HMGA2: variants seen among roughly 807,000 people sequenced by gnomAD.
HMGA2 encodes the protein high mobility group AT-hook 2, also known as high mobility group protein HMGI-C.
Under a neutral mutation model 19.1 loss-of-function variants are expected in HMGA2, and 8 were observed. That is an observed-to-expected ratio of 0.42 (90% CI 0.25 to 0.76). The LOEUF is 0.76. Ranked by LOEUF, HMGA2 falls within the 30% of genes least tolerant of loss-of-function variation. The pLI is 0.28. For synonymous variants in HMGA2, 60 were observed against 48.8 expected (o/e 1.23, Z -0.96); for missense variants, 109 against 136.3 (o/e 0.80, Z 1.00).
At chr12:65,888,304 AAGTT>A (rs1873744564) in intron 3 of HMGA2, among the ~76,000 whole-genome samples, 1 of 151,524 alleles carries the variant, frequency 6.6e-6, no homozygotes, top group Non-Finnish European at 1.5e-5. Flanking sequence ...AAAAATATAA[AAGTT>A]AGCCGGGCGC....
chr12:65,915,446 C>T lies in HMGA2; in HGVS notation c.250-35937C>T, dbSNP rs751583743. 6.4e-6 allele frequency: 8 copies of T among 1,252,438 alleles called. No homozygotes were observed. The South Asian group carries it at 6.8e-5, about 11-fold the overall frequency. The allele number at this position is 1,252,438 out of a possible 1,614,324, so 77.6% of individuals were successfully genotyped here. ...GGGTGGGCTGAACTCCAGTTACTCT[C>T]GTACAGGGATCCACCTTTTTGCAGA... On this transcript the variant is annotated intron_variant, in intron 3 of 4. Transcript: ENST00000403681.
intron 3 of HMGA2, among the ~76,000 whole-genome samples, chr12:65,943,580 C>T (rs1157702362): frequency 6.6e-6 from 1 of 152,162 alleles, no homozygotes; most frequent in Non-Finnish European, 1.5e-5. Flanking sequence ...TTGTCTTTTG[C>T]ATTAAAGTCT....
In HMGA2 at chr12:65,963,308, G is replaced by C. The variant is rs377439189; in HGVS notation, c.*16G>C. The C allele has an allele frequency of 1.2e-6, 2 of 1,612,100 alleles. No individual in the cohort carries two copies. Among genetic ancestry groups the C allele is most frequent in the East Asian group, 4.5e-5 (2 of 44,808 alleles). On this transcript the variant is annotated 3_prime_UTR_variant, in exon 5 of 5. Transcript: ENST00000403681. The stretch of plus-strand genomic sequence containing the variant: ...AGAGGACTAGGGGGCGCCAACGTTC[G>C]ATTTCTACCTCAGCAGCAGTTGGAT...
intron 4 of HMGA2, chr12:65,952,460 AG>A: frequency 6.5e-7 from 1 of 1,531,912 alleles, no homozygotes; most frequent in Non-Finnish European, 8.7e-7. Flanking sequence ...AACACATGAA[AG>A]GATCCAAGGA....
At chr12:65,874,435 A>T (rs1182259885) in intron 3 of HMGA2, among the ~76,000 whole-genome samples, 4 of 152,162 alleles carry the variant, frequency 2.6e-5, no homozygotes, top group Non-Finnish European at 5.9e-5. Flanking sequence ...TCTTCTTTTC[A>T]GTGGTAACGA....
At chr12:65,846,153 A>G (rs1186349484) in intron 3 of HMGA2, among the ~76,000 whole-genome samples, 1 of 152,194 alleles carries the variant, frequency 6.6e-6, no homozygotes, top group Non-Finnish European at 1.5e-5. Context: ...TGACACTGAA[A>G]TTTGTTTTTC....
chr12:65,954,310 A>G (rs950835579), intron 4 of HMGA2: 1 of 152,222 alleles, frequency 6.6e-6, no homozygotes, highest in African/African-American at 2.4e-5. Flanking sequence ...TTCCTCTTTG[A>G]CGTCAAGTGT....
chr12:65,843,016 G>A, intron 3 of HMGA2: 1 of 341,546 alleles, frequency 2.9e-6, no homozygotes, highest in Non-Finnish European at 4.6e-6. Context: ...ACATCAATGG[G>A]AACAAGTGAT....
chr12:65,949,220 C>A (rs1016193835), intron 3 of HMGA2, among the ~76,000 whole-genome samples: 1 of 151,874 alleles, frequency 6.6e-6, no homozygotes, highest in Non-Finnish European at 1.5e-5. Flanking sequence ...AATGGAAGAA[C>A]GTCTTTTCCT....
intron 3 of HMGA2, among the ~76,000 whole-genome samples, chr12:65,891,107 C>T (rs1199485010): frequency 2.6e-5 from 4 of 152,164 alleles, no homozygotes; most frequent in Non-Finnish European, 5.9e-5. Context: ...CCATTGGAAC[C>T]AGTTGACTTT....
intron 2 of HMGA2, among the ~76,000 whole-genome samples, chr12:65,832,610 G>T (rs960276321): frequency 6.6e-6 from 1 of 152,052 alleles, no homozygotes; most frequent in South Asian, 2.1e-4. Flanking sequence ...AGAGCAGAAG[G>T]CACAAAGTGG....
At chr12:65,859,933 AAT>A in intron 3 of HMGA2, 3 of 306,270 alleles carry the variant, frequency 9.8e-6, no homozygotes, top group Non-Finnish European at 2.0e-5. Context: ...AAAAAAAAAA[AAT>A]TAAAAATTAG....
intron 3 of HMGA2, among the ~76,000 whole-genome samples, chr12:65,933,930 C>A (rs2121274938): frequency 6.6e-6 from 1 of 152,256 alleles, no homozygotes; most frequent in African/African-American, 2.4e-5. Context: ...TATAGAACTG[C>A]CCTGGGACAG....
chr12:65,883,175 G>A (rs1042776740), intron 3 of HMGA2, among the ~76,000 whole-genome samples: 1 of 152,214 alleles, frequency 6.6e-6, no homozygotes, highest in African/African-American at 2.4e-5. Flanking sequence ...TTACTCTAGG[G>A]GTGAAAGAAG....
chr12:65,927,853 A>G (rs11175968), intron 3 of HMGA2, among the ~76,000 whole-genome samples: 42,082 of 130,874 alleles, frequency 0.32, 6,737 homozygotes, highest in South Asian at 0.45. Context: ...GTGTGTGTGT[A>G]TATATATTTT....
At chr12:65,900,603 T>G (rs1412493904) in intron 3 of HMGA2, among the ~76,000 whole-genome samples, 2 of 152,250 alleles carry the variant, frequency 1.3e-5, no homozygotes, top group Non-Finnish European at 2.9e-5. Flanking sequence ...CACTGTGGAC[T>G]GCAGTGAATG....
chr12:65,915,123 G>T (rs1228850199), intron 3 of HMGA2: 2 of 1,613,790 alleles, frequency 1.2e-6, no homozygotes, highest in East Asian at 4.5e-5. Flanking sequence ...ACCAAAAGGA[G>T]TCACTGAATT....
intron 3 of HMGA2, among the ~76,000 whole-genome samples, chr12:65,871,338 C>T (rs77927863): frequency 0.043 from 6,546 of 152,224 alleles, 199 homozygotes; most frequent in Middle Eastern, 0.082. Flanking sequence ...CCACAGAGAC[C>T]GTCTGCCCAA....
At chr12:65,862,615 G>T (rs11175944) in intron 3 of HMGA2, among the ~76,000 whole-genome samples, 1 of 152,056 alleles carries the variant, frequency 6.6e-6, no homozygotes, top group Non-Finnish European at 1.5e-5. Context: ...TCAAGGATTA[G>T]ACCTGGACTA....
Sources: allele counts gnomAD v4.1 joint callset (sites outside exome capture counted in the v4.1 genomes callset), GRCh38; gene constraint gnomAD v4.1.1; transcripts MANE v1.5; gene names NCBI Gene and HGNC (gene_info 2026-07-23, HGNC 2026-07-21).